ORC6: variants seen among roughly 807,000 people sequenced by gnomAD.
The protein encoded by ORC6 is origin recognition complex, subunit 6 homolog-like (yeast).
Under a neutral mutation model 30.0 loss-of-function variants are expected in ORC6, and 31 were observed. That is an observed-to-expected ratio of 1.03 (90% confidence interval 0.78 to 1.40). The LOEUF (loss-of-function observed/expected upper bound fraction) is 1.40. Among genes scored for constraint, ORC6 ranks in the 40% most tolerant of loss-of-function variants. The pLI is 0.00. For missense variants in ORC6, 340 were observed against 304.3 expected (o/e 1.12, Z -0.87); for synonymous variants, 136 against 111.2 (o/e 1.22, Z -1.40).
chr16:46,693,200 C>T lies in ORC6; in HGVS notation c.449+18C>T, dbSNP rs1298558639. 6 of 1,558,222 alleles carry T rather than the reference C, an allele frequency of 3.9e-6. No individual in the cohort carries two copies. The highest frequency in any genetic ancestry group is 2.7e-5 in the African/African-American group (2 of 73,874). Reference sequence around the variant, plus strand: ...GCATGCAAGTAGGTATTTCATTAAACATTCAGAAAAGTTACCAATTTACAA... The same window carrying T: ...GCATGCAAGTAGGTATTTCATTAAATATTCAGAAAAGTTACCAATTTACAA... On this transcript the variant is annotated intron_variant, in intron 4 of 6. Transcript: ENST00000219097.
intron 5 of ORC6, 39 bp downstream of exon 5, chr16:46,695,713 T>C: frequency 2.3e-6 from 3 of 1,319,468 alleles, no homozygotes; most frequent in Non-Finnish European, 2.2e-6. Flanking sequence ...CATTTGAAAA[T>C]GTAGTCCTTT....
rs376003832 is a variant in ORC6 at position 46,696,112 on chromosome 16, G to A, written c.631+27G>A. 5.8e-6 allele frequency: 9 copies of A among 1,548,278 alleles called. 1 individual carries two copies. The highest frequency in any genetic ancestry group is 2.2e-5 in the South Asian group (2 of 89,802). On this transcript the variant is annotated intron_variant, in intron 6 of 6. Coordinates refer to ENST00000219097, the MANE Select transcript of ORC6 (RefSeq NM_014321.4). ...TAAGTTTTACTAACACGGTACTGAC[G>A]TTGACATTTTATGCAGTGAACAGCC...
chr16:46,692,262 A>G (rs1358689530), intron 2 of ORC6, 120 bp from the exon 3 acceptor site: 1 of 792,798 alleles, frequency 1.3e-6, no homozygotes, highest in East Asian at 2.7e-5. Context: ...CTTTAGGTAG[A>G]GTGACTTGCC....
rs1255501566 is a variant in ORC6 at position 46,694,632 on chromosome 16, C to CGG, written c.450-925_450-924dup. On this transcript the variant is annotated intron_variant, in intron 4 of 6. Coordinates refer to ENST00000219097, the MANE Select transcript of ORC6 (RefSeq NM_014321.4). Reference sequence around the variant, plus strand: ...GGGGCGGCCGGGGCGGCTGGCCGGGCGGGGGGCTGACCCCCCCACAACACT... The same window carrying CGG: ...GGGGCGGCCGGGGCGGCTGGCCGGGCGGGGGGGGCTGACCCCCCCACAACACT... 3.2e-5 allele frequency: 4 copies of CGG among 126,324 alleles called. 1 individual carries two copies. Among genetic ancestry groups the CGG allele is most frequent in the Non-Finnish European group, 3.2e-5 (2 of 61,614 alleles). The allele number at this position is 126,324 out of a possible 1,614,324, so 7.8% of individuals were successfully genotyped here.
At chr16:46,692,013 TTC>T (rs1966449966) in intron 2 of ORC6, among the ~76,000 whole-genome samples, 1 of 118,434 alleles carries the variant, frequency 8.4e-6, no homozygotes, top group African/African-American at 3.1e-5. Flanking sequence ...CTCCCGCTAC[TTC>T]TCTCCTTCCT....
chr16:46,691,094 T>A lies in ORC6; in HGVS notation c.169T>A (p.Ser57Thr), dbSNP rs1966432554. The stretch of plus-strand genomic sequence containing the variant: ...AGTCATGTGCCTGGACCTTGCAGCT[T>A]CCTGGATGAAGTGCCCCTTGGACAG... ...SAVMCLDLAA[S>T]WMKCPLDRAY... Residue 57 changes from serine to threonine, a missense_variant, in exon 2 of 7, where the codon TCC (serine) becomes ACC (threonine). Ser to Thr is a moderately conservative substitution (Grantham distance 58, BLOSUM62 1). Transcript: ENST00000219097. 5.6e-6 allele frequency: 9 copies of A among 1,614,152 alleles called. No individual in the cohort carries two copies. Among genetic ancestry groups the A allele is most frequent in the Non-Finnish European group, 7.6e-6 (9 of 1,180,018 alleles).
At position 46,689,700 on chromosome 16, in the gene ORC6, G is replaced by A; in HGVS notation, c.-6G>A. ...CACGGGAATTGTTCGCTTTAGTGCC[G>A]GCGCCATGGGGTCGGAGCTGATCGG... On this transcript the variant is annotated 5_prime_UTR_variant, in exon 1 of 7. Coordinates refer to ENST00000219097, the MANE Select transcript of ORC6 (RefSeq NM_014321.4). 1 of 1,599,084 alleles carries A rather than the reference G, an allele frequency of 6.3e-7. No homozygotes were observed. Among genetic ancestry groups the A allele is most frequent in the South Asian group, 1.1e-5 (1 of 88,900 alleles).
At chr16:46,691,994 C>A (rs1477115486) in intron 2 of ORC6, among the ~76,000 whole-genome samples, 2 of 39,566 alleles carry the variant, frequency 5.1e-5, no homozygotes, top group Non-Finnish European at 1.2e-4. Context: ...CACCCCGCCC[C>A]CTACTCCACT....
At position 46,696,097 on chromosome 16, in the gene ORC6, T is replaced by A; in HGVS notation, c.631+12T>A. 1 of 1,593,584 alleles carries A rather than the reference T, an allele frequency of 6.3e-7. No homozygotes were observed. Among genetic ancestry groups the A allele is most frequent in the South Asian group, 1.1e-5 (1 of 90,692 alleles). Reference sequence around the variant, plus strand: ...AGCCCCAGCAAAGGGTAAGTTTTACTAACACGGTACTGACGTTGACATTTT... The same window carrying A: ...AGCCCCAGCAAAGGGTAAGTTTTACAAACACGGTACTGACGTTGACATTTT... On this transcript the variant is annotated intron_variant, in intron 6 of 6. Coordinates refer to ENST00000219097, the MANE Select transcript of ORC6 (RefSeq NM_014321.4).
At chr16:46,696,162 G>T in intron 6 of ORC6, 77 bp downstream of exon 6, 2 of 993,686 alleles carry the variant, frequency 2.0e-6, no homozygotes, top group Non-Finnish European at 3.2e-6. Flanking sequence ...CAGCTTGCCT[G>T]ACAGGAGTCC....
intron 4 of ORC6, 40 bp downstream of exon 4, chr16:46,693,222 A>G: frequency 7.4e-7 from 1 of 1,345,070 alleles, no homozygotes; most frequent in Non-Finnish European, 1.1e-6. Flanking sequence ...TTACCAATTT[A>G]CAAGTGGGTT....
intron 4 of ORC6, 141 bp downstream of exon 4, chr16:46,693,323 A>G (rs1361770191): frequency 2.1e-5 from 14 of 672,064 alleles, no homozygotes; most frequent in Non-Finnish European, 3.2e-5. Context: ...TGGCCAAGTG[A>G]CTATATTCCC....
At chr16:46,695,009 T>C (rs560105823) in intron 4 of ORC6, 10 of 163,256 alleles carry the variant, frequency 6.1e-5, no homozygotes, top group Non-Finnish European at 1.3e-4. Context: ...TATGTGCATA[T>C]ACGGAGGGAG....
Position 46,698,376 on chromosome 16 carries a change from A to G in ORC6, c.*791A>G. The G allele has an allele frequency of 2.6e-6, 1 of 387,858 alleles. No individual in the cohort carries two copies. Among genetic ancestry groups the G allele is most frequent in the Non-Finnish European group, 5.2e-6 (1 of 191,480 alleles). The allele number at this position is 387,858 out of a possible 1,614,324, so 24.0% of individuals were successfully genotyped here. ...ATATATTGTACAGCCTAAGTTAATA[A>G]ATGTTATTTATATATGCATTCAAGT... On this transcript the variant is annotated 3_prime_UTR_variant, in exon 7 of 7. Coordinates refer to ENST00000219097, the MANE Select transcript of ORC6 (RefSeq NM_014321.4).
intron 5 of ORC6, 58 bp from the exon 6 acceptor site, chr16:46,695,959 G>T (rs920298439): frequency 4.1e-6 from 5 of 1,232,248 alleles, no homozygotes; most frequent in Non-Finnish European, 6.0e-6. Flanking sequence ...TCCAAAACAT[G>T]CCCAAATACT....
chr16:46,697,795 G>A lies in ORC6; in HGVS notation c.*210G>A, dbSNP rs1314230500. 1 of 662,960 alleles carries A rather than the reference G, an allele frequency of 1.5e-6. No homozygotes were observed. The highest frequency in any genetic ancestry group is 2.8e-6 in the Non-Finnish European group (1 of 362,184). The allele number at this position is 662,960 out of a possible 1,614,324, so 41.1% of individuals were successfully genotyped here. On this transcript the variant is annotated 3_prime_UTR_variant, in exon 7 of 7. Transcript: ENST00000219097. ...TTAGACCAGCCACAGTGCCTGATTG[G>A]TATAGCCTTATGTGCTTTCCTACAA... is the stretch of plus-strand genomic sequence containing the variant.
chr16:46,690,802 T>A, intron 1 of ORC6, 189 bp from the exon 2 acceptor site: 2 of 671,044 alleles, frequency 3.0e-6, no homozygotes, highest in Non-Finnish European at 5.5e-6. Flanking sequence ...TTGAGCACAG[T>A]GATGTTTGGA....
intron 5 of ORC6, 127 bp downstream of exon 5, chr16:46,695,801 G>A: frequency 1.3e-6 from 1 of 768,938 alleles, no homozygotes; most frequent in South Asian, 1.5e-5. Context: ...GACCAGGTAT[G>A]TTTTTATTGA....
At position 46,695,963 on chromosome 16, in the gene ORC6, A is replaced by G. The variant is rs1262867688; in HGVS notation, c.563-54A>G. 2.3e-6 allele frequency: 3 copies of G among 1,296,240 alleles called. No individual in the cohort carries two copies. The East Asian group carries it at 6.9e-5, about 30-fold the overall frequency. The allele number at this position is 1,296,240 out of a possible 1,614,324, so 80.3% of individuals were successfully genotyped here. A position where few individuals can be genotyped will look rare whatever the true frequency, so the allele number is the denominator to read the frequency against. ...TTTATTTGTGATCCAAAACATGCCCAAATACTGAAATTGAGAACAGGAGAA... is the reference window on the plus strand; with the variant it reads ...TTTATTTGTGATCCAAAACATGCCCGAATACTGAAATTGAGAACAGGAGAA... On this transcript the variant is annotated intron_variant, in intron 5 of 6. Coordinates refer to ENST00000219097, the MANE Select transcript of ORC6 (RefSeq NM_014321.4).
Sources: allele counts gnomAD v4.1 joint callset (sites outside exome capture counted in the v4.1 genomes callset), GRCh38; gene constraint gnomAD v4.1.1; transcripts MANE v1.5; gene names NCBI Gene and HGNC (gene_info 2026-07-23, HGNC 2026-07-21).